C8A: variants seen among roughly 807,000 people sequenced by gnomAD.
C8A encodes the protein complement C8 alpha chain.
Under a neutral mutation model 65.3 loss-of-function variants are expected in C8A, and 67 were observed. The ratio of observed to expected loss-of-function variants is 1.03; its 90% CI spans 0.84 to 1.26. The LOEUF is 1.26. Among genes scored for constraint, C8A ranks in the 50% most tolerant of loss-of-function variants. The pLI is 0.00. For missense variants in C8A, 781 were observed against 723.9 expected, an observed-to-expected ratio of 1.08 and a Z score of -0.90; for synonymous variants, 290 against 259.4, an observed-to-expected ratio of 1.12 and a Z score of -1.13.
intron 1 of C8A, among the ~76,000 whole-genome samples, chr1:56,857,902 C>A (rs1643993710): frequency 6.6e-6 from 1 of 151,976 alleles, no homozygotes; most frequent in South Asian, 2.1e-4. Flanking sequence ...TGATAAAGTC[C>A]CACAGGTCAG....
chr1:56,914,021 C>A (rs534425457), intron 10 of C8A, among the ~76,000 whole-genome samples: 2 of 152,300 alleles, frequency 1.3e-5, no homozygotes, highest in Non-Finnish European at 2.9e-5. Context: ...TGCCACACCT[C>A]ACCGGATACT....
chr1:56,869,027 C>A (rs1199322285), intron 2 of C8A, among the ~76,000 whole-genome samples: 1 of 152,012 alleles, frequency 6.6e-6, no homozygotes, highest in Non-Finnish European at 1.5e-5. Flanking sequence ...TTTATTTTTT[C>A]ATTTTTATTT....
intron 5 of C8A, 80 bp from the exon 6 acceptor site, chr1:56,883,401 A>G: frequency 7.8e-7 from 1 of 1,278,210 alleles, no homozygotes; most frequent in Non-Finnish European, 1.1e-6. Context: ...TATTTTACAA[A>G]GCAAAGATTT....
At chr1:56,898,585 T>C (rs1486481592) in intron 7 of C8A, among the ~76,000 whole-genome samples, 2 of 152,194 alleles carry the variant, frequency 1.3e-5, no homozygotes, top group Admixed American at 1.3e-4. Context: ...CAAATAGGAC[T>C]CTTCCAGGCA....
intron 7 of C8A, among the ~76,000 whole-genome samples, chr1:56,888,306 G>A (rs536556356): frequency 1.3e-5 from 2 of 152,216 alleles, no homozygotes; most frequent in South Asian, 2.1e-4. Context: ...CCTGGCTAGA[G>A]TCATTCATTA....
chr1:56,897,881 G>A (rs1368975513), intron 7 of C8A, among the ~76,000 whole-genome samples: 3 of 152,120 alleles, frequency 2.0e-5, no homozygotes, highest in Admixed American at 6.6e-5. Flanking sequence ...GACACACAGA[G>A]CCCTTCCCTG....
intron 1 of C8A, among the ~76,000 whole-genome samples, chr1:56,866,418 T>C (rs1644088626): frequency 1.3e-5 from 2 of 152,176 alleles, no homozygotes; most frequent in African/African-American, 4.8e-5. Flanking sequence ...TCTTTAGTAA[T>C]TTGCTGAAAT....
At chr1:56,899,463 T>C (rs1400698921) in intron 7 of C8A, among the ~76,000 whole-genome samples, 1 of 152,154 alleles carries the variant, frequency 6.6e-6, no homozygotes, top group East Asian at 1.9e-4. Flanking sequence ...AACCTACTCC[T>C]TTCTAAAATG....
intron 1 of C8A, among the ~76,000 whole-genome samples, chr1:56,859,730 G>A (rs138944242): frequency 4.3e-4 from 65 of 151,338 alleles, no homozygotes; most frequent in Non-Finnish European, 7.9e-4. Flanking sequence ...GATTTACAGT[G>A]TAGCGATGGA....
At chr1:56,909,898 C>T (rs749602146) in intron 9 of C8A, among the ~76,000 whole-genome samples, 8 of 152,192 alleles carry the variant, frequency 5.3e-5, no homozygotes, top group African/African-American at 1.4e-4. Flanking sequence ...GAGTCCAACT[C>T]GAGTCATGTT....
intron 2 of C8A, among the ~76,000 whole-genome samples, chr1:56,872,186 C>T (rs970812366): frequency 2.0e-5 from 3 of 152,182 alleles, no homozygotes; most frequent in Non-Finnish European, 4.4e-5. Context: ...CTTTACAATT[C>T]ACTCCCAACC....
intron 1 of C8A, among the ~76,000 whole-genome samples, chr1:56,859,860 G>T (rs192722670): frequency 6.6e-6 from 1 of 152,068 alleles, no homozygotes; most frequent in Non-Finnish European, 1.5e-5. Context: ...TCAGGGGTTC[G>T]AGACCATCCT....
At chr1:56,879,120 T>C (rs1341456627) in intron 4 of C8A, among the ~76,000 whole-genome samples, 1 of 152,192 alleles carries the variant, frequency 6.6e-6, no homozygotes, top group Non-Finnish European at 1.5e-5. Context: ...AGTTGAGTAG[T>C]TGCAACACAG....
At chr1:56,872,461 A>G (rs1361356664) in intron 2 of C8A, among the ~76,000 whole-genome samples, 3 of 152,222 alleles carry the variant, frequency 2.0e-5, no homozygotes, top group Admixed American at 6.5e-5. Context: ...AAAAAATTTA[A>G]GATAATATAT....
Position 56,854,819 on chromosome 1 carries a change from C to A in C8A, c.-83C>A. The A allele has an allele frequency of 8.6e-7, 1 of 1,160,640 alleles. No homozygotes were observed. The highest frequency in any genetic ancestry group is 1.3e-6 in the Non-Finnish European group (1 of 785,766). 71.9% of individuals were successfully genotyped at this position (1,160,640 alleles called of 1,614,324 possible). On this transcript the variant is annotated 5_prime_UTR_variant, in exon 1 of 11. Transcript: ENST00000361249. ...ATCAGATAGATCTTACAGGTCCCAG[C>A]CTGTAGACATCTTTTACTCCAATTT... is the stretch of plus-strand genomic sequence containing the variant.
At chr1:56,909,792 G>C (rs1467640046) in intron 9 of C8A, among the ~76,000 whole-genome samples, 1 of 152,168 alleles carries the variant, frequency 6.6e-6, no homozygotes, top group Non-Finnish European at 1.5e-5. Flanking sequence ...CTATCACATA[G>C]AGATATTTCA....
At chr1:56,899,834 C>T (rs2101282565) in intron 7 of C8A, among the ~76,000 whole-genome samples, 1 of 152,300 alleles carries the variant, frequency 6.6e-6, no homozygotes, top group East Asian at 1.9e-4. Context: ...ATTCAACACT[C>T]ACAACAACCC....
intron 4 of C8A, among the ~76,000 whole-genome samples, chr1:56,878,327 C>T (rs965031193): frequency 6.6e-6 from 1 of 152,020 alleles, no homozygotes; most frequent in Non-Finnish European, 1.5e-5. Context: ...TAATCCAGCC[C>T]GTAACATCAA....
intron 2 of C8A, among the ~76,000 whole-genome samples, chr1:56,874,663 G>T (rs1644179842): frequency 6.6e-6 from 1 of 152,196 alleles, no homozygotes; most frequent in Non-Finnish European, 1.5e-5. Flanking sequence ...TCTTCAAGAA[G>T]AGGGAACAGA....
Sources: allele counts gnomAD v4.1 joint callset (sites outside exome capture counted in the v4.1 genomes callset), GRCh38; gene constraint gnomAD v4.1.1; transcripts MANE v1.5; gene names NCBI Gene and HGNC (gene_info 2026-07-23, HGNC 2026-07-21).